CSMD1: variants seen among roughly 807,000 people sequenced by gnomAD.
The protein encoded by CSMD1 is CUB and Sushi multiple domains 1, also known as CUB and sushi domain-containing protein 1.
CSMD1 carries 213 observed loss-of-function variants against 417.5 expected under a neutral mutation model. The observed-to-expected ratio is 0.51, with a 90% CI of 0.46 to 0.57. The LOEUF (loss-of-function observed/expected upper bound fraction) is 0.57. Ranked by LOEUF, CSMD1 falls within the 20% of genes least tolerant of loss-of-function variation. CSMD1 has a pLI of 0.00. For synonymous variants in CSMD1, 2,862 were observed against 1,736.8 expected, an observed-to-expected ratio of 1.65 and a Z score of -16.11; for missense variants, 6,923 against 4,529.7, an observed-to-expected ratio of 1.53 and a Z score of -15.17.
chr8:4,153,424 C>A (rs1171764895), intron 3 of CSMD1, among the ~76,000 whole-genome samples: 7 of 152,196 alleles, frequency 4.6e-5, no homozygotes, highest in African/African-American at 1.7e-4. Flanking sequence ...CATGCTGTTG[C>A]CTGTGCCCCG....
At chr8:4,956,517 G>C (rs569994930) in intron 1 of CSMD1, among the ~76,000 whole-genome samples, 1 of 147,306 alleles carries the variant, frequency 6.8e-6, no homozygotes, top group African/African-American at 2.5e-5. Flanking sequence ...ATATACACAC[G>C]TATTTTAAAT....
At chr8:4,058,096 T>A (rs1185096584) in intron 3 of CSMD1, among the ~76,000 whole-genome samples, 1 of 152,182 alleles carries the variant, frequency 6.6e-6, no homozygotes, top group East Asian at 1.9e-4. Context: ...TTGATGGGGA[T>A]GGCATTGAAT....
At chr8:3,680,447 G>A (rs1799592670) in intron 7 of CSMD1, among the ~76,000 whole-genome samples, 1 of 152,006 alleles carries the variant, frequency 6.6e-6, no homozygotes, top group Non-Finnish European at 1.5e-5. Flanking sequence ...AAGAAACAGA[G>A]AAATTCCTTG....
At chr8:4,012,275 T>A (rs1466004101) in intron 4 of CSMD1, among the ~76,000 whole-genome samples, 1 of 152,162 alleles carries the variant, frequency 6.6e-6, no homozygotes, top group Non-Finnish European at 1.5e-5. Flanking sequence ...GGCCAGTTCT[T>A]CTGAGTCATC....
chr8:3,539,880 G>T (rs1376209054), intron 10 of CSMD1, among the ~76,000 whole-genome samples: 2 of 152,078 alleles, frequency 1.3e-5, no homozygotes, highest in African/African-American at 4.8e-5. Flanking sequence ...AACGAACTTA[G>T]AAAACGGCTT....
chr8:3,081,587 C>T (rs1814100747), intron 49 of CSMD1, among the ~76,000 whole-genome samples: 1 of 152,048 alleles, frequency 6.6e-6, no homozygotes, highest in African/African-American at 2.4e-5. Context: ...ATTACATTCC[C>T]AATTATCTCA....
chr8:4,144,181 G>C (rs1035557265), intron 3 of CSMD1, among the ~76,000 whole-genome samples: 2 of 150,888 alleles, frequency 1.3e-5, no homozygotes, highest in Admixed American at 6.6e-5. Flanking sequence ...AGCACGAATT[G>C]GCCTTAGACC....
At chr8:4,341,975 C>T (rs779814653) in intron 3 of CSMD1, among the ~76,000 whole-genome samples, 17 of 152,040 alleles carry the variant, frequency 1.1e-4, no homozygotes, top group East Asian at 3.9e-4. Context: ...GTTCAAGAGA[C>T]GAAAGTGGCC....
chr8:3,468,516 G>A (rs1334511701), intron 12 of CSMD1, among the ~76,000 whole-genome samples, 196 bp downstream of exon 12: 1 of 152,146 alleles, frequency 6.6e-6, no homozygotes, highest in Admixed American at 6.5e-5. Context: ...ATCATGGCAA[G>A]CCGAGTTTTC....
At chr8:3,792,547 T>G (rs1436761486) in intron 5 of CSMD1, among the ~76,000 whole-genome samples, 6 of 152,200 alleles carry the variant, frequency 3.9e-5, no homozygotes, top group Non-Finnish European at 8.8e-5. Context: ...TTTTTCAGAC[T>G]AGTAACTTTG....
At chr8:3,463,709 G>A (rs146098156) in intron 12 of CSMD1, among the ~76,000 whole-genome samples, 3 of 152,328 alleles carry the variant, frequency 2.0e-5, no homozygotes, top group Non-Finnish European at 2.9e-5. Flanking sequence ...GAAGACGGGC[G>A]AGACTGGGCT....
At chr8:4,409,714 C>T (rs1488612228) in intron 3 of CSMD1, among the ~76,000 whole-genome samples, 4 of 149,818 alleles carry the variant, frequency 2.7e-5, no homozygotes, top group Non-Finnish European at 5.9e-5. Flanking sequence ...AAGGTGGACA[C>T]AGGCTTCCCA....
chr8:3,306,793 T>C (rs1353504143), intron 25 of CSMD1, among the ~76,000 whole-genome samples: 1 of 151,920 alleles, frequency 6.6e-6, no homozygotes, highest in African/African-American at 2.4e-5. Context: ...TGCTATGGTT[T>C]TGGAGACAGA....
At chr8:4,583,406 G>A (rs1563308528) in intron 2 of CSMD1, among the ~76,000 whole-genome samples, 3 of 152,160 alleles carry the variant, frequency 2.0e-5, no homozygotes, top group Admixed American at 6.5e-5. Flanking sequence ...TCAGCACCCT[G>A]TGTCTAGCTC....
chr8:4,776,387 C>CGTTA (rs1796854589), intron 1 of CSMD1, among the ~76,000 whole-genome samples: 1 of 152,064 alleles, frequency 6.6e-6, no homozygotes, highest in Non-Finnish European at 1.5e-5. Flanking sequence ...ATCTACTATA[C>CGTTA]GTTAACTCAG....
chr8:3,142,198 C>T (rs563010232), intron 41 of CSMD1, among the ~76,000 whole-genome samples: 4 of 152,200 alleles, frequency 2.6e-5, no homozygotes, highest in African/African-American at 7.2e-5. Flanking sequence ...GCGTGAATTA[C>T]TCTTTCTCCA....
chr8:3,319,790 TTAG>T (rs1806029990), intron 23 of CSMD1, among the ~76,000 whole-genome samples: 2 of 152,172 alleles, frequency 1.3e-5, no homozygotes, highest in African/African-American at 2.4e-5. Context: ...TAATTCTTCA[TTAG>T]TAGTGTAGGT....
At chr8:4,789,555 G>C (rs1797584536) in intron 1 of CSMD1, among the ~76,000 whole-genome samples, 1 of 152,088 alleles carries the variant, frequency 6.6e-6, no homozygotes, top group Non-Finnish European at 1.5e-5. Context: ...TACCACCAAA[G>C]CTTTTGTTCA....
chr8:3,561,033 C>G lies in CSMD1; in HGVS notation c.1344+13912G>C, dbSNP rs556251534. On this transcript the variant is annotated intron_variant, in intron 10 of 69. Coordinates refer to ENST00000635120, the MANE Select transcript of CSMD1 (RefSeq NM_033225.6). The stretch of plus-strand genomic sequence containing the variant: ...TAAAACGGCAGGCAGTGAATACACA[C>G]ATGAAAAAATGCCCAGCATCACTAA... Among the ~76,000 whole-genome samples the G allele has an allele frequency of 3.3e-5, 5 of 152,252 alleles. No individual in the cohort carries two copies. The East Asian group carries it at 9.7e-4, about 29-fold the overall frequency.
Sources: gnomAD v4.1 joint callset for allele counts (sites outside exome capture counted in the v4.1 genomes callset) on GRCh38, gnomAD v4.1.1 for gene constraint, MANE v1.5 for transcripts, NCBI Gene and HGNC (gene_info 2026-07-23, HGNC 2026-07-21) for gene names.